MMS22L: variants seen among roughly 807,000 people sequenced by gnomAD.
MMS22L encodes protein MMS22-like.
A neutral mutation model predicts 159.1 loss-of-function variants in MMS22L; 74 were observed. The ratio of observed to expected loss-of-function variants is 0.47; its 90% confidence interval spans 0.39 to 0.56. MMS22L has a LOEUF of 0.56. Ranked by LOEUF, MMS22L falls within the 20% of genes least tolerant of loss-of-function variation. The pLI is 0.00. For synonymous variants in MMS22L, 517 were observed against 506.9 expected, an observed-to-expected ratio of 1.02 and a Z score of -0.27; for missense variants, 1,351 against 1,422.1, an observed-to-expected ratio of 0.95 and a Z score of 0.80.
intron 20 of MMS22L, 67 bp from the exon 21 acceptor site, chr6:97,165,524 T>C: frequency 7.6e-7 from 1 of 1,321,104 alleles, no homozygotes; most frequent in Non-Finnish European, 1.1e-6. Flanking sequence ...ATTTAGAAAC[T>C]CACTAATGAA....
intron 11 of MMS22L, among the ~76,000 whole-genome samples, chr6:97,242,659 T>C (rs948633428): frequency 2.0e-5 from 3 of 152,150 alleles, no homozygotes; most frequent in East Asian, 1.9e-4. Flanking sequence ...CCTTTTTTCA[T>C]TGTGTTATTG....
rs1052795397 is a variant in MMS22L at position 97,145,642 on chromosome 6, A to G, written c.*1164T>C. ...TTCCCAACAGAATTTGGGCCACCAA[A>G]TATTTTCACGTACATTATCCCATTG... On this transcript the variant is annotated 3_prime_UTR_variant, in exon 25 of 25. Coordinates refer to ENST00000683635, the MANE Select transcript of MMS22L (RefSeq NM_001350599.2). The G allele has an allele frequency of 1.6e-4, 25 of 152,196 alleles. No individual in the cohort carries two copies. Among genetic ancestry groups the G allele is most frequent in the African/African-American group, 5.8e-4 (24 of 41,468 alleles). The allele number at this position is 152,196 out of a possible 1,614,324, so 9.4% of individuals were successfully genotyped here.
chr6:97,251,888 C>G (rs1199794746), intron 10 of MMS22L, among the ~76,000 whole-genome samples: 1 of 151,948 alleles, frequency 6.6e-6, no homozygotes, highest in East Asian at 1.9e-4. Flanking sequence ...TCAAGACTAT[C>G]CTGTCTAACA....
intron 21 of MMS22L, among the ~76,000 whole-genome samples, chr6:97,163,943 C>A (rs1446834384): frequency 6.6e-6 from 1 of 151,792 alleles, no homozygotes; most frequent in African/African-American, 2.4e-5. Context: ...TGATGGATTG[C>A]AGAGAGCTAA....
chr6:97,223,861 A>ATGT (rs1388613511), intron 14 of MMS22L, among the ~76,000 whole-genome samples: 5 of 152,200 alleles, frequency 3.3e-5, no homozygotes, highest in Non-Finnish European at 7.4e-5. Flanking sequence ...TTACTAAAGT[A>ATGT]TGTTAGTACC....
chr6:97,203,953 C>T (rs191811393), intron 14 of MMS22L, among the ~76,000 whole-genome samples: 3 of 152,224 alleles, frequency 2.0e-5, no homozygotes, highest in Admixed American at 2.0e-4. Context: ...ATATATGATG[C>T]TAAATTTCTC....
intron 14 of MMS22L, among the ~76,000 whole-genome samples, chr6:97,193,078 T>A (rs1300386512): frequency 6.6e-6 from 1 of 152,216 alleles, no homozygotes; most frequent in Non-Finnish European, 1.5e-5. Context: ...ATATGTAAGT[T>A]CTTAATAAAG....
At chr6:97,165,178 G>A (rs1802833488) in intron 21 of MMS22L, 68 bp downstream of exon 21, 23 of 1,413,970 alleles carry the variant, frequency 1.6e-5, no homozygotes, top group African/African-American at 1.4e-5. Flanking sequence ...TGTTTGAAAT[G>A]CCACTTTATC....
intron 19 of MMS22L, among the ~76,000 whole-genome samples, chr6:97,170,759 C>A (rs1803458456): frequency 6.6e-6 from 1 of 152,146 alleles, no homozygotes; most frequent in Non-Finnish European, 1.5e-5. Context: ...GTAATCCCAG[C>A]ACTTTGGGAG....
intron 12 of MMS22L, among the ~76,000 whole-genome samples, chr6:97,233,042 A>T (rs997669948): frequency 6.6e-6 from 1 of 151,400 alleles, no homozygotes; most frequent in African/African-American, 2.4e-5. Context: ...AGTTGTCTGT[A>T]CCCAATTCAT....
chr6:97,201,708 G>A (rs1807187532), intron 14 of MMS22L, among the ~76,000 whole-genome samples: 1 of 152,184 alleles, frequency 6.6e-6, no homozygotes, highest in African/African-American at 2.4e-5. Context: ...AAAATGCTTT[G>A]ATTTGCACCA....
chr6:97,272,460 A>G (rs779141149), intron 6 of MMS22L: 5 of 401,274 alleles, frequency 1.2e-5, no homozygotes, highest in Non-Finnish European at 2.2e-5. Flanking sequence ...AACTTCATGT[A>G]TATGAATTTA....
At chr6:97,179,032 G>A (rs1804411260) in intron 17 of MMS22L, among the ~76,000 whole-genome samples, 1 of 151,970 alleles carries the variant, frequency 6.6e-6, no homozygotes, top group African/African-American at 2.4e-5. Context: ...ATTCATAATT[G>A]GGTATTTTTC....
In MMS22L at chr6:97,146,871, G is replaced by A; in HGVS notation, c.3667C>T (p.Leu1223Phe). 8 of 1,554,684 alleles carry A rather than the reference G, an allele frequency of 5.1e-6. No homozygotes were observed. The highest frequency in any genetic ancestry group is 1.2e-5 in the South Asian group (1 of 81,504). ...CCCATCTGTCCAAGGTGAGACAAAA[G>A]TTTGCTATAGGCTTCCCTGTTTAAG... ...NIAQREAYSKLLSHLGQMGQD... is the reference protein window; with the variant it reads ...NIAQREAYSKFLSHLGQMGQD... The change falls in exon 25 of 25, where the codon CTT becomes TTT. Residue 1223 changes from leucine to phenylalanine, a missense_variant. Coordinates refer to ENST00000683635, the MANE Select transcript of MMS22L (RefSeq NM_001350599.2).
chr6:97,226,687 T>C (rs532561825), intron 14 of MMS22L, among the ~76,000 whole-genome samples: 7 of 151,922 alleles, frequency 4.6e-5, no homozygotes, highest in Non-Finnish European at 8.8e-5. Context: ...TATATAAAAA[T>C]ACATATATAG....
intron 19 of MMS22L, among the ~76,000 whole-genome samples, chr6:97,170,126 T>C (rs1214431435): frequency 6.6e-6 from 1 of 152,168 alleles, no homozygotes; most frequent in Non-Finnish European, 1.5e-5. Context: ...AGTATGTATG[T>C]ATAGGCAAAA....
intron 14 of MMS22L, among the ~76,000 whole-genome samples, chr6:97,204,657 T>C (rs1807556927): frequency 6.6e-6 from 1 of 151,758 alleles, no homozygotes; most frequent in Non-Finnish European, 1.5e-5. Context: ...GGGGTGGGCA[T>C]GGTGGCATGC....
At chr6:97,276,920 T>A (rs1816293049) in intron 4 of MMS22L, among the ~76,000 whole-genome samples, 1 of 152,166 alleles carries the variant, frequency 6.6e-6, no homozygotes, top group African/African-American at 2.4e-5. Flanking sequence ...CAGCAGCATA[T>A]TTTTCCTCTT....
At chr6:97,261,654 G>A (rs1268293710) in intron 9 of MMS22L, 1 of 152,104 alleles carries the variant, frequency 6.6e-6, no homozygotes, top group African/African-American at 2.4e-5. Context: ...CTGCATGTTG[G>A]GGGGACGGTC....
Sources: allele counts gnomAD v4.1 joint callset (sites outside exome capture counted in the v4.1 genomes callset), GRCh38; gene constraint gnomAD v4.1.1; transcripts MANE v1.5; gene names NCBI Gene and HGNC (gene_info 2026-07-23, HGNC 2026-07-21).